CCNL1: variants seen among roughly 807,000 people sequenced by gnomAD.
CCNL1 encodes the protein cyclin L1.
Under a neutral mutation model 60.6 loss-of-function variants are expected in CCNL1, and 13 were observed. That is an observed-to-expected ratio of 0.21 (90% CI 0.14 to 0.34). The LOEUF is 0.34. Ranked by LOEUF, CCNL1 falls within the 10% of genes least tolerant of loss-of-function variation. The pLI is 1.00. For missense variants in CCNL1, 481 were observed against 664.3 expected (o/e 0.72, Z 3.03); for synonymous variants, 270 against 244.3 (o/e 1.10, Z -0.98).
At chr3:157,145,529 A>T (rs939699993), downstream of CCNL1, among the ~76,000 whole-genome samples, 5 of 151,930 alleles carry the variant, frequency 3.3e-5, no homozygotes, top group Non-Finnish European at 1.5e-5. Flanking sequence ...TAGGACAAAT[A>T]ACATTTTCAT....
chr3:157,151,594 A>G (rs753579706), intron 5 of CCNL1: 123 of 987,524 alleles, frequency 1.2e-4, no homozygotes, highest in Non-Finnish European at 1.5e-4. Flanking sequence ...TATACACACT[A>G]AAAATAAAAA....
At chr3:157,158,682 T>A in intron 3 of CCNL1, 184 bp downstream of exon 3, 1 of 487,142 alleles carries the variant, frequency 2.1e-6, no homozygotes, top group Non-Finnish European at 3.7e-6. Flanking sequence ...GATAACCGGT[T>A]AATTATGTTT....
downstream of CCNL1, among the ~76,000 whole-genome samples, chr3:157,145,455 A>AAAAAAAAAAAAAAAC (rs1737753226): frequency 1.3e-5 from 2 of 148,354 alleles, no homozygotes. Flanking sequence ...AAAAAAAAAA[A>AAAAAAAAAAAAAAAC]AAAAAAAAAC....
chr3:157,143,626 A>T (rs1231009286), downstream of CCNL1, among the ~76,000 whole-genome samples: 1 of 152,232 alleles, frequency 6.6e-6, no homozygotes, highest in African/African-American at 2.4e-5. Context: ...AATTTCAGTT[A>T]GTGGTAAGCA....
Position 157,148,474 on chromosome 3 carries a change from C to A in CCNL1, c.1348G>T (p.Ala450Ser). The A allele has an allele frequency of 6.2e-7, 1 of 1,614,078 alleles. No individual in the cohort carries two copies. The highest frequency in any genetic ancestry group is 8.5e-7 in the Non-Finnish European group (1 of 1,180,026). The change falls in exon 11 of 11, where the codon GCC (alanine) becomes TCC (serine). Residue 450 changes from alanine to serine, a missense_variant. Ala to Ser is a moderately conservative substitution (Grantham distance 99, BLOSUM62 1). Coordinates refer to ENST00000295926, the MANE Select transcript of CCNL1 (RefSeq NM_020307.4). ...HHNHGSPHLK[A>S]KHTRDDLKSS... ...TTTAAATCATCTCTGGTATGCTTGG[C>A]CTTAAGGTGAGGAGAACCATGATTA...
At chr3:157,152,913 CT>C (rs1738306010) in intron 4 of CCNL1, 122 bp downstream of exon 4, 1 of 1,510,854 alleles carries the variant, frequency 6.6e-7, no homozygotes, top group Non-Finnish European at 8.8e-7. Flanking sequence ...AAGCCTGAAC[CT>C]TTAAAAGAAT....
At chr3:157,145,437 C>CAAAAAAAAAAAAAAAAAAA (rs56894231), downstream of CCNL1, among the ~76,000 whole-genome samples, 31 of 24,270 alleles carry the variant, frequency 1.3e-3, 3 homozygotes, top group East Asian at 5.0e-3. Context: ...GACTTCATCT[C>CAAAAAAAAAAAAAAAAAAA]AAAAAAAAAA....
chr3:157,152,148 T>A (rs1454238332), intron 5 of CCNL1, 29 bp downstream of exon 5: 1 of 1,604,170 alleles, frequency 6.2e-7, no homozygotes, highest in Non-Finnish European at 8.5e-7. Context: ...TTTTCCTGGC[T>A]AGGAAAGAAA....
chr3:157,148,125 G>C lies in CCNL1; in HGVS notation c.*116C>G. 6.9e-7 allele frequency: 1 copy of C among 1,458,982 alleles called. No individual in the cohort carries two copies. Among genetic ancestry groups the C allele is most frequent in the Non-Finnish European group, 9.0e-7 (1 of 1,105,910 alleles). The allele number at this position is 1,458,982 out of a possible 1,614,324, so 90.4% of individuals were successfully genotyped here. A position where few individuals can be genotyped will look rare whatever the true frequency, so the allele number is the denominator to read the frequency against. ...GTCCTCAGTGTTCTAGAGACCTAGAGGGTTTCAAGAAATCAAATCCTAATC... is the reference window on the plus strand; with the variant it reads ...GTCCTCAGTGTTCTAGAGACCTAGACGGTTTCAAGAAATCAAATCCTAATC... On this transcript the variant is annotated 3_prime_UTR_variant, in exon 11 of 11. Transcript: ENST00000295926.
At chr3:157,149,234 T>C (rs1475314717) in intron 10 of CCNL1, 53 bp downstream of exon 10, 2 of 1,393,720 alleles carry the variant, frequency 1.4e-6, no homozygotes, top group African/African-American at 2.9e-5. Context: ...GAAAAAGCAA[T>C]AACCTTTAAA....
intron 5 of CCNL1, chr3:157,151,837 T>C (rs1738220370): frequency 3.4e-6 from 4 of 1,159,770 alleles, no homozygotes; most frequent in Non-Finnish European, 4.3e-6. Flanking sequence ...TTGCACTGGA[T>C]TGGCTGGAGA....
At chr3:157,150,587 T>A (rs1221492563) in intron 5 of CCNL1, 2 of 1,286,756 alleles carry the variant, frequency 1.6e-6, no homozygotes, top group Non-Finnish European at 2.0e-6. Context: ...GATTTTCCTA[T>A]ATATGAGCGA....
At position 157,160,066 on chromosome 3, in the gene CCNL1, G is replaced by T; in HGVS notation, c.29C>A (p.Thr10Asn). 1 of 1,557,250 alleles carries T rather than the reference G, an allele frequency of 6.4e-7. No homozygotes were observed. The highest frequency in any genetic ancestry group is 8.7e-7 in the Non-Finnish European group (1 of 1,151,098). Residue 10 changes from threonine to asparagine, a missense_variant, in exon 1 of 11, where the codon ACT becomes AAT. By Grantham distance (65) the Thr-to-Asn change is moderately conservative. Coordinates refer to ENST00000295926, the MANE Select transcript of CCNL1 (RefSeq NM_020307.4). MASGPHSTA[T>N]AAAAASSAAP... Reference sequence around the variant, plus strand: ...GGCCGATGAGGCGGCTGCGGCAGCAGTAGCTGTCGAATGAGGCCCGGACGC... The same window carrying T: ...GGCCGATGAGGCGGCTGCGGCAGCATTAGCTGTCGAATGAGGCCCGGACGC...
intron 4 of CCNL1, 106 bp downstream of exon 4, chr3:157,152,930 T>TTAA: frequency 6.5e-7 from 1 of 1,530,004 alleles, no homozygotes; most frequent in Non-Finnish European, 8.7e-7. Context: ...AGAATGCTTT[T>TTAA]TAAAACCAAG....
At chr3:157,152,912 C>A in intron 4 of CCNL1, 124 bp downstream of exon 4, 1 of 1,507,948 alleles carries the variant, frequency 6.6e-7, no homozygotes, top group Non-Finnish European at 8.8e-7. Flanking sequence ...GAAGCCTGAA[C>A]CTTTAAAAGA....
chr3:157,152,611 T>C, intron 4 of CCNL1: 3 of 1,072,382 alleles, frequency 2.8e-6, no homozygotes, highest in Non-Finnish European at 3.4e-6. Context: ...TAATGAAAGC[T>C]AAGAGATGTT....
At position 157,159,224 on chromosome 3, in the gene CCNL1, T is replaced by A. The variant is rs1577081494; in HGVS notation, c.378+181A>T. 9.1e-6 allele frequency: 6 copies of A among 661,308 alleles called. No individual in the cohort carries two copies. The Admixed American group carries it at 1.5e-4, about 16-fold the overall frequency. 41.0% of individuals were successfully genotyped at this position (661,308 alleles called of 1,614,324 possible). The stretch of plus-strand genomic sequence containing the variant: ...ACTGTACTTTTCGTTAAGAGGGCAC[T>A]TAGGCTCGTGATCGATTTTGAACCA... On this transcript the variant is annotated intron_variant, in intron 2 of 10. Coordinates refer to ENST00000295926, the MANE Select transcript of CCNL1 (RefSeq NM_020307.4).
Position 157,147,733 on chromosome 3 carries a change from C to A in CCNL1, c.*508G>T. On this transcript the variant is annotated 3_prime_UTR_variant, in exon 11 of 11. Coordinates refer to ENST00000295926, the MANE Select transcript of CCNL1 (RefSeq NM_020307.4). Reference sequence around the variant, plus strand: ...GAATAAGTTTGTCAGAAAACCAGTACAGCCATTTTGCTATTAAAATTTTCC... The same window carrying A: ...GAATAAGTTTGTCAGAAAACCAGTAAAGCCATTTTGCTATTAAAATTTTCC... 1.0e-6 allele frequency: 1 copy of A among 984,732 alleles called. No individual in the cohort carries two copies. Among genetic ancestry groups the A allele is most frequent in the Non-Finnish European group, 1.2e-6 (1 of 829,310 alleles). 61.0% of individuals were successfully genotyped at this position (984,732 alleles called of 1,614,324 possible).
intron 5 of CCNL1, chr3:157,151,821 G>A: frequency 8.9e-7 from 1 of 1,124,198 alleles, no homozygotes; most frequent in Non-Finnish European, 1.1e-6. Flanking sequence ...AATCTCGGAT[G>A]AGAGCTTGCA....
Sources: allele counts gnomAD v4.1 joint callset (sites outside exome capture counted in the v4.1 genomes callset), GRCh38; gene constraint gnomAD v4.1.1; transcripts MANE v1.5; gene names NCBI Gene and HGNC (gene_info 2026-07-23, HGNC 2026-07-21).